Variants in USP34 observed in about 807,000 individuals in gnomAD.
The protein encoded by USP34 is ubiquitin specific peptidase 34.
In USP34, 70 loss-of-function variants were observed where a neutral mutation model predicts 460.3. The ratio of observed to expected loss-of-function variants is 0.15; its 90% CI spans 0.13 to 0.19. USP34 has a LOEUF of 0.19. USP34 is among the 10% of genes least tolerant of loss of function. The probability of loss-of-function intolerance (pLI) is 1.00; values close to 1 mark genes in which losing one functional copy is unlikely to be tolerated. For missense variants in USP34, 3,985 were observed against 4,236.2 expected, an observed-to-expected ratio of 0.94 and a Z score of 1.65; for synonymous variants, 1,647 against 1,405.3, an observed-to-expected ratio of 1.17 and a Z score of -3.85.
chr2:61,361,856 C>G (rs1367882323), intron 10 of USP34, among the ~76,000 whole-genome samples: 4 of 151,946 alleles, frequency 2.6e-5, no homozygotes, highest in Non-Finnish European at 5.9e-5. Flanking sequence ...GCAAAGGAAA[C>G]AACAGAGTGA....
intron 21 of USP34, among the ~76,000 whole-genome samples, chr2:61,322,278 G>C (rs1056865600): frequency 6.6e-6 from 1 of 152,002 alleles, no homozygotes; most frequent in African/African-American, 2.4e-5. Context: ...CCCTTATGAT[G>C]AAGAAAGCAA....
chr2:61,204,580 A>T lies in USP34; in HGVS notation c.9176T>A (p.Leu3059His). 1 of 1,613,988 alleles carries T rather than the reference A, an allele frequency of 6.2e-7. No individual in the cohort carries two copies. Among genetic ancestry groups the T allele is most frequent in the Non-Finnish European group, 8.5e-7 (1 of 1,179,984 alleles). ...ACIDVLKELV[L>H]LSPHDFLHTL... ...ATGAAGAAAATCATGGGGACTCAAAAGTACAAGTTCCTTGAGGACATCTGA... is the reference window on the plus strand; with the variant it reads ...ATGAAGAAAATCATGGGGACTCAAATGTACAAGTTCCTTGAGGACATCTGA... Residue 3059 changes from leucine to histidine, a missense_variant, in exon 73 of 80, where the codon CTT (leucine) becomes CAT (histidine). Coordinates refer to ENST00000398571, the MANE Select transcript of USP34 (RefSeq NM_014709.4).
At chr2:61,210,433 C>T (rs992783826) in intron 69 of USP34, among the ~76,000 whole-genome samples, 1 of 152,170 alleles carries the variant, frequency 6.6e-6, no homozygotes, top group Non-Finnish European at 1.5e-5. Flanking sequence ...AGCCTAGGAA[C>T]AGTTGGCTAT....
At position 61,188,457 on chromosome 2, in the gene USP34, T is replaced by C. The variant is rs1385334130; in HGVS notation, c.10286A>G (p.Asn3429Ser). ...VPSSFSEDMS[N>S]IRSQHAEEQS... ...TTCTTCTGCATGCTGTGACCTGATA[T>C]TTGACATGTCTTCTGAAAACGAAGA... Residue 3429 changes from asparagine (N) to serine (S), a missense_variant, in exon 80 of 80, where the codon AAT becomes AGT. Asn to Ser is a conservative substitution (Grantham distance 46, BLOSUM62 1). This residue lies in a region of USP34 where 506 missense variants were observed against 439.0 expected (regional missense o/e 1.15). Coordinates refer to ENST00000398571, the MANE Select transcript of USP34 (RefSeq NM_014709.4). 7 of 1,614,134 alleles carry C rather than the reference T, an allele frequency of 4.3e-6. No homozygotes were observed. Among genetic ancestry groups the C allele is most frequent in the African/African-American group, 1.3e-5 (1 of 74,954 alleles).
At chr2:61,233,165 TTAA>T (rs1687962737) in intron 57 of USP34, among the ~76,000 whole-genome samples, 2 of 152,232 alleles carry the variant, frequency 1.3e-5, no homozygotes, top group East Asian at 1.9e-4. Flanking sequence ...CGGCCACCTA[TTAA>T]TAATATGTGA....
intron 49 of USP34, 48 bp from the exon 50 acceptor site, chr2:61,246,525 A>C: frequency 7.9e-7 from 1 of 1,264,760 alleles, no homozygotes; most frequent in Non-Finnish European, 1.0e-6. Flanking sequence ...ACTTCACAAC[A>C]GTTACTTAGA....
chr2:61,310,405 C>A (rs928048040), intron 27 of USP34, among the ~76,000 whole-genome samples: 1 of 151,888 alleles, frequency 6.6e-6, no homozygotes. Flanking sequence ...CTATGCAGAT[C>A]TCAAAAAGAA....
chr2:61,300,886 T>C (rs569989005), intron 29 of USP34, 65 bp downstream of exon 29: 3 of 1,084,760 alleles, frequency 2.8e-6, no homozygotes, highest in Non-Finnish European at 4.0e-6. Flanking sequence ...TATACTTTTA[T>C]TAAAGTTACT....
intron 29 of USP34, among the ~76,000 whole-genome samples, chr2:61,300,144 G>A (rs1164066896): frequency 6.6e-6 from 1 of 152,072 alleles, no homozygotes; most frequent in Non-Finnish European, 1.5e-5. Context: ...AACTTATTAG[G>A]TATAAAACAA....
At position 61,256,828 on chromosome 2, in the gene USP34, T is replaced by C. The variant is rs1028797645; in HGVS notation, c.6126+45A>G. 11 of 1,439,188 alleles carry C rather than the reference T, an allele frequency of 7.6e-6. 1 individual carries two copies. The highest frequency in any genetic ancestry group is 4.3e-5 in the African/African-American group (3 of 69,356). 89.2% of individuals were successfully genotyped at this position (1,439,188 alleles called of 1,614,324 possible). A position where few individuals can be genotyped will look rare whatever the true frequency, so the allele number is the denominator to read the frequency against. ...CCAACACAAACCCGCTATACACAAA[T>C]AGGTAAAAGCATAAAGTAAAAAAAT... On this transcript the variant is annotated intron_variant, in intron 47 of 79. Coordinates refer to ENST00000398571, the MANE Select transcript of USP34 (RefSeq NM_014709.4).
At chr2:61,464,717 C>CAAAAAAAAAAAAAAAAAAAAAAAA in intron 1 of USP34, among the ~76,000 whole-genome samples, 1 of 77,996 alleles carries the variant, frequency 1.3e-5, no homozygotes, top group Non-Finnish European at 2.4e-5. Context: ...GACTCCGTCT[C>CAAAAAAAAAAAAAAAAAAAAAAAA]AAAAAAAAAA....
intron 3 of USP34, among the ~76,000 whole-genome samples, chr2:61,399,471 A>C (rs1053086516): frequency 5.9e-5 from 9 of 152,124 alleles, no homozygotes; most frequent in Non-Finnish European, 1.0e-4. Flanking sequence ...TAAAGCTAGC[A>C]TCCTAAAATG....
chr2:61,347,847 T>G, intron 15 of USP34, 23 bp downstream of exon 15: 1 of 1,606,514 alleles, frequency 6.2e-7, no homozygotes, highest in South Asian at 1.1e-5. Flanking sequence ...ATGAACTGAA[T>G]ATTTATTTTG....
chr2:61,346,351 TA>T (rs567842424), intron 15 of USP34: 70,855 of 128,858 alleles, frequency 0.55, 19,431 homozygotes, highest in African/African-American at 0.71. Flanking sequence ...TCTGTCTCTA[TA>T]AAAAAAAAAA....
At chr2:61,193,114 G>A in intron 75 of USP34, 134 bp from the exon 76 acceptor site, 4 of 675,012 alleles carry the variant, frequency 5.9e-6, no homozygotes, top group Non-Finnish European at 9.8e-6. Context: ...GTACATAAAG[G>A]GGAAAAATTC....
At chr2:61,275,907 G>A (rs376024509) in intron 41 of USP34, among the ~76,000 whole-genome samples, 1 of 152,010 alleles carries the variant, frequency 6.6e-6, no homozygotes, top group African/African-American at 2.4e-5. Context: ...TCAATAAACA[G>A]AAGAGAAGTA....
At chr2:61,280,953 T>A (rs1177722994) in intron 38 of USP34, 137 bp downstream of exon 38, 3 of 888,914 alleles carry the variant, frequency 3.4e-6, no homozygotes, top group African/African-American at 3.4e-5. Flanking sequence ...TTAAGTAGTA[T>A]ATAACTACTA....
chr2:61,213,800 C>T (rs1347539569), intron 68 of USP34, among the ~76,000 whole-genome samples: 1 of 152,170 alleles, frequency 6.6e-6, no homozygotes, highest in African/African-American at 2.4e-5. Flanking sequence ...AATACATTTA[C>T]AAAACCACAA....
At position 61,308,633 on chromosome 2, in the gene USP34, A is replaced by C. The variant is rs1572920779; in HGVS notation, c.3817+2907T>G. ...GCCAAACTGAAAGGGTCCAGTGCTA[A>C]ATACCTAAACATGTAAATACTGAAG... On this transcript the variant is annotated intron_variant, in intron 27 of 79. Coordinates refer to ENST00000398571, the MANE Select transcript of USP34 (RefSeq NM_014709.4). Among the ~76,000 whole-genome samples, 4 of 152,302 alleles carry C rather than the reference A, an allele frequency of 2.6e-5. No individual in the cohort carries two copies. In the East Asian group the frequency reaches 7.7e-4, roughly 29 times the overall value.
Sources: allele counts gnomAD v4.1 joint callset (sites outside exome capture counted in the v4.1 genomes callset), GRCh38; gene constraint gnomAD v4.1.1; regional missense constraint gnomAD v4.1.1; transcripts MANE v1.5; gene names NCBI Gene and HGNC (gene_info 2026-07-23, HGNC 2026-07-21).